Variants in IL7 observed in about 807,000 individuals in gnomAD.
The protein encoded by IL7 is interleukin-7.
In IL7, 3 loss-of-function variants were observed where a neutral mutation model predicts 21.6. The observed-to-expected ratio is 0.14, with a 90% CI of 0.06 to 0.36. The LOEUF is 0.36. Ranked by LOEUF, IL7 falls within the 10% of genes least tolerant of loss-of-function variation. The pLI is 1.00. For synonymous variants in IL7, 62 were observed against 68.1 expected, an observed-to-expected ratio of 0.91 and a Z score of 0.44; for missense variants, 175 against 200.2, an observed-to-expected ratio of 0.87 and a Z score of 0.76.
In IL7 at chr8:78,709,662, G is replaced by A. The variant is rs1296580545; in HGVS notation, n.214+11686C>T. Reference sequence around the variant, plus strand: ...TTGGCTTCCCTGGGCCACACTGAAAGAAGAATTGTCTTGGACCACATATAA... The same window carrying A: ...TTGGCTTCCCTGGGCCACACTGAAAAAAGAATTGTCTTGGACCACATATAA... On this transcript the variant is annotated intron_variant and non_coding_transcript_variant, in intron 3 of 4. Coordinates refer to the IL7 transcript ENST00000523959. Among the ~76,000 whole-genome samples, 5 of 150,570 alleles carry A rather than the reference G, an allele frequency of 3.3e-5. No homozygotes were observed. The East Asian group carries it at 9.7e-4, about 29-fold the overall frequency.
chr8:78,804,790 A>C, intron 1 of IL7, 123 bp downstream of exon 1: 1 of 1,072,064 alleles, frequency 9.3e-7, no homozygotes, highest in Non-Finnish European at 1.4e-6. Context: ...TGCTCTCCGC[A>C]GGTCCAAAGT....
chr8:78,746,534 T>C (rs1811982845), intron 2 of IL7, among the ~76,000 whole-genome samples: 2 of 152,228 alleles, frequency 1.3e-5, no homozygotes, highest in African/African-American at 4.8e-5. Context: ...ATTTCCTCAT[T>C]ATTCAGTTGC....
Position 78,760,633 on chromosome 8 carries a change from G to A in IL7, c.148-20551C>T. The stretch of plus-strand genomic sequence containing the variant: ...GAGATAAGCATTTAAGAGCTTTGAG[G>A]TGCTGTTCTGAGAATATATCTTTAA... On this transcript the variant is annotated intron_variant, in intron 2 of 5. Transcript: ENST00000263851. The A allele has an allele frequency of 4.4e-6, 7 of 1,580,638 alleles. No individual in the cohort carries two copies. The South Asian group carries it at 8.0e-5, about 18-fold the overall frequency.
intron 4 of IL7, among the ~76,000 whole-genome samples, chr8:78,679,597 A>T (rs1323798587): frequency 6.6e-6 from 1 of 152,172 alleles, no homozygotes; most frequent in Non-Finnish European, 1.5e-5. Context: ...CCAACTGTGT[A>T]TTGCTAAGAA....
At chr8:78,756,241 G>A (rs900202337) in intron 2 of IL7, among the ~76,000 whole-genome samples, 1 of 151,746 alleles carries the variant, frequency 6.6e-6, no homozygotes, top group Non-Finnish European at 1.5e-5. Context: ...TTAGTATTTT[G>A]TTGAGAAACT....
At chr8:78,798,443 C>A (rs1327392303) in intron 1 of IL7, among the ~76,000 whole-genome samples, 2 of 151,892 alleles carry the variant, frequency 1.3e-5, no homozygotes, top group Non-Finnish European at 2.9e-5. Flanking sequence ...TAGGAAAGTG[C>A]AAAACAAGGG....
At chr8:78,695,375 C>T (rs910163051) in intron 3 of IL7, among the ~76,000 whole-genome samples, 2 of 152,048 alleles carry the variant, frequency 1.3e-5, no homozygotes, top group South Asian at 2.1e-4. Context: ...AATCTTTAGT[C>T]TCCATTATGT....
intron 4 of IL7, among the ~76,000 whole-genome samples, chr8:78,677,706 AC>A (rs1809627935): frequency 6.6e-6 from 1 of 151,808 alleles, no homozygotes; most frequent in African/African-American, 2.4e-5. Flanking sequence ...TCTTAGTGTT[AC>A]AGGGCAGATA....
At chr8:78,773,483 G>A (rs1393897010) in intron 2 of IL7, among the ~76,000 whole-genome samples, 6 of 152,120 alleles carry the variant, frequency 3.9e-5, no homozygotes, top group Non-Finnish European at 8.8e-5. Flanking sequence ...ATTCCACAAT[G>A]AGAAAACAGC....
chr8:78,765,548 G>A (rs766076693), intron 2 of IL7, among the ~76,000 whole-genome samples: 3 of 151,970 alleles, frequency 2.0e-5, no homozygotes, highest in Non-Finnish European at 2.9e-5. Flanking sequence ...CAGCAAAGAA[G>A]ATACACAGAT....
chr8:78,789,776 A>G (rs888776012), intron 2 of IL7, among the ~76,000 whole-genome samples: 1 of 152,164 alleles, frequency 6.6e-6, no homozygotes, highest in East Asian at 1.9e-4. Flanking sequence ...GATATATTAA[A>G]CTATAGAATT....
At position 78,805,252 on chromosome 8, in the gene IL7, C is replaced by A. The variant is rs774065897; in HGVS notation, c.-330G>T. On this transcript the variant is annotated 5_prime_UTR_variant, in exon 1 of 6. Coordinates refer to ENST00000263851, the MANE Select transcript of IL7 (RefSeq NM_000880.4). ...TCATCAGCATGGAATCTTCATTATC[C>A]CCTCTCTCCTGGGCACCTGCTTCCC... The A allele has an allele frequency of 2.9e-4, 77 of 266,806 alleles. No homozygotes were observed. Among genetic ancestry groups the A allele is most frequent in the Non-Finnish European group, 4.8e-4 (68 of 141,176 alleles). The allele number at this position is 266,806 out of a possible 1,614,324, so 16.5% of individuals were successfully genotyped here. A position where few individuals can be genotyped will look rare whatever the true frequency, so the allele number is the denominator to read the frequency against.
intron 1 of IL7, among the ~76,000 whole-genome samples, chr8:78,800,967 G>A (rs1814036911): frequency 6.6e-6 from 1 of 152,120 alleles, no homozygotes; most frequent in Non-Finnish European, 1.5e-5. Flanking sequence ...TCAATTTTCA[G>A]TAGTTAAGTG....
At chr8:78,708,876 G>A (rs1422283999) in intron 3 of IL7, among the ~76,000 whole-genome samples, 1 of 151,900 alleles carries the variant, frequency 6.6e-6, no homozygotes, top group African/African-American at 2.4e-5. Context: ...CACCATGTTA[G>A]GCTGGTCTCA....
At chr8:78,774,915 G>A (rs975083125) in intron 2 of IL7, among the ~76,000 whole-genome samples, 4 of 151,868 alleles carry the variant, frequency 2.6e-5, no homozygotes, top group Non-Finnish European at 5.9e-5. Flanking sequence ...CTCAACTTAA[G>A]AAAAATCAAT....
chr8:78,717,325 T>A, downstream of IL7: 1 of 1,600,988 alleles, frequency 6.2e-7, no homozygotes, highest in Non-Finnish European at 8.5e-7. Flanking sequence ...TTTACTTTTT[T>A]AGGCCAGATG....
At chr8:78,680,625 AT>A (rs1159600393) in intron 4 of IL7, among the ~76,000 whole-genome samples, 6 of 152,212 alleles carry the variant, frequency 3.9e-5, no homozygotes. Flanking sequence ...TACAAACTTC[AT>A]TTTTGGAAAA....
chr8:78,729,754 A>G (rs1451381315), downstream of IL7, among the ~76,000 whole-genome samples: 2 of 152,032 alleles, frequency 1.3e-5, no homozygotes, highest in African/African-American at 4.8e-5. Context: ...CATTTCTAGA[A>G]TATGTTATAA....
intron 2 of IL7, among the ~76,000 whole-genome samples, chr8:78,751,665 G>GAC (rs1165739440): frequency 6.6e-6 from 1 of 152,104 alleles, no homozygotes; most frequent in Non-Finnish European, 1.5e-5. Context: ...ATTTATGGAT[G>GAC]ACACAGTGAT....
Sources: gnomAD v4.1 joint callset for allele counts (sites outside exome capture counted in the v4.1 genomes callset) on GRCh38, gnomAD v4.1.1 for gene constraint, MANE v1.5 for transcripts, NCBI Gene and HGNC (gene_info 2026-07-23, HGNC 2026-07-21) for gene names.